The following PACRG variants were observed in gnomAD, a reference collection of about 807,000 sequenced individuals.
The protein encoded by PACRG is parkin coregulated.
In PACRG, 29 loss-of-function variants were observed where a neutral mutation model predicts 29.7. That is an observed-to-expected ratio of 0.98 (90% confidence interval 0.73 to 1.33). The LOEUF (loss-of-function observed/expected upper bound fraction) is 1.33. Among genes scored for constraint, PACRG ranks in the 40% most tolerant of loss-of-function variants. PACRG has a pLI of 0.00. For missense variants in PACRG, 279 were observed against 316.2 expected (o/e 0.88, Z 0.89); for synonymous variants, 116 against 118.7 (o/e 0.98, Z 0.15).
At chr6:163,195,333 A>G (rs556752866) in intron 4 of PACRG, among the ~76,000 whole-genome samples, 1 of 152,286 alleles carries the variant, frequency 6.6e-6, no homozygotes, top group South Asian at 2.1e-4. Flanking sequence ...GCATCCAAAG[A>G]GAGTGCTGCC....
At chr6:163,266,760 G>A (rs905011716) in intron 4 of PACRG, among the ~76,000 whole-genome samples, 2 of 152,272 alleles carry the variant, frequency 1.3e-5, no homozygotes, top group African/African-American at 4.8e-5. Context: ...CAGAGAAGTG[G>A]ATGCTTTGCC....
At chr6:163,070,406 G>A (rs1373184607) in intron 3 of PACRG, among the ~76,000 whole-genome samples, 4 of 151,866 alleles carry the variant, frequency 2.6e-5, no homozygotes, top group Non-Finnish European at 2.9e-5. Flanking sequence ...AAAAAGCAGG[G>A]GGACAAAGTT....
chr6:162,984,213 T>C (rs1171412574), intron 2 of PACRG, among the ~76,000 whole-genome samples: 3 of 151,962 alleles, frequency 2.0e-5, no homozygotes, highest in African/African-American at 4.8e-5. Flanking sequence ...CAATTATCAT[T>C]CTTATGCCTT....
intron 2 of PACRG, among the ~76,000 whole-genome samples, chr6:162,968,825 G>T (rs942829249): frequency 6.6e-6 from 1 of 151,964 alleles, no homozygotes; most frequent in Non-Finnish European, 1.5e-5. Context: ...GAGGTGGGTG[G>T]ATCACAAGGT....
intron 4 of PACRG, among the ~76,000 whole-genome samples, chr6:163,293,770 T>C (rs1784693627): frequency 6.6e-6 from 1 of 152,174 alleles, no homozygotes; most frequent in South Asian, 2.1e-4. Flanking sequence ...GTTTACAGTG[T>C]TGTGATTTTT....
intron 4 of PACRG, among the ~76,000 whole-genome samples, chr6:163,288,667 G>T (rs542889788): frequency 6.6e-6 from 1 of 152,090 alleles, no homozygotes; most frequent in African/African-American, 2.4e-5. Context: ...ATGTGCTCTC[G>T]ATTATCTAAG....
chr6:162,893,306 C>T (rs1292207635), intron 2 of PACRG, among the ~76,000 whole-genome samples: 1 of 152,048 alleles, frequency 6.6e-6, no homozygotes, highest in African/African-American at 2.4e-5. Flanking sequence ...AGGGGAGGGC[C>T]TCGGCTCGAC....
At chr6:163,221,417 C>T (rs912217068) in intron 4 of PACRG, among the ~76,000 whole-genome samples, 1 of 152,186 alleles carries the variant, frequency 6.6e-6, no homozygotes, top group Non-Finnish European at 1.5e-5. Context: ...TGCCTTTGTG[C>T]CTTGCCTACA....
intron 4 of PACRG, among the ~76,000 whole-genome samples, chr6:163,247,226 A>G (rs894868418): frequency 4.6e-5 from 7 of 152,200 alleles, no homozygotes; most frequent in Non-Finnish European, 1.0e-4. Flanking sequence ...AATGAAAATA[A>G]AGCATTAAAG....
intron 4 of PACRG, among the ~76,000 whole-genome samples, chr6:163,262,945 A>G (rs540751663): frequency 1.3e-5 from 2 of 148,340 alleles, no homozygotes; most frequent in African/African-American, 2.5e-5. Flanking sequence ...CCAGCTACTC[A>G]GGAGGCTGAG....
chr6:162,947,496 CAT>C lies in PACRG; in HGVS notation c.292-114644_292-114643del, dbSNP rs1250082850. 5.5e-3 allele frequency among the ~76,000 whole-genome samples: 626 copies of C among 114,464 alleles called. 11 individuals are homozygous for C. Among genetic ancestry groups the C allele is most frequent in the African/African-American group, 0.018 (535 of 29,858 alleles). The allele number at this position is 114,464 out of a possible 152,430, so 75.1% of individuals were successfully genotyped here. A position where few individuals can be genotyped will look rare whatever the true frequency, so the allele number is the denominator to read the frequency against. ...ATATATATATAATCATATATATACT[CAT>C]ATATATATAATCTATATATATAATC... On this transcript the variant is annotated intron_variant, in intron 2 of 4. Transcript: ENST00000366888.
At chr6:162,983,746 C>T (rs1045770238) in intron 2 of PACRG, among the ~76,000 whole-genome samples, 2 of 151,968 alleles carry the variant, frequency 1.3e-5, no homozygotes, top group Admixed American at 1.3e-4. Flanking sequence ...AGATTATTTC[C>T]TTTGTCTTGA....
intron 2 of PACRG, among the ~76,000 whole-genome samples, chr6:163,019,566 A>ATATTTGAT (rs542623604): frequency 0.013 from 1,995 of 152,246 alleles, 51 homozygotes; most frequent in African/African-American, 0.043. Context: ...AACCTCTCCC[A>ATATTTGAT]GCTTCAAATA....
intron 2 of PACRG, among the ~76,000 whole-genome samples, chr6:163,033,997 A>AAG (rs768228522): frequency 1.6e-4 from 24 of 152,076 alleles, no homozygotes; most frequent in Non-Finnish European, 3.5e-4. Context: ...AGCCTCACAA[A>AAG]TCCTTTTTTC....
rs1462303792 is a variant in PACRG at position 163,255,815 on chromosome 6, T to A, written c.614-59012T>A. ...CACACCCAGCTAATTTTTGTATTTT[T>A]AGTAGAGATGGGGTTTTACCATGTT... On this transcript the variant is annotated intron_variant, in intron 4 of 4. Coordinates refer to ENST00000366888, the MANE Select transcript of PACRG (RefSeq NM_001080379.2). Among the ~76,000 whole-genome samples, 4 of 152,194 alleles carry A rather than the reference T, an allele frequency of 2.6e-5. No individual in the cohort carries two copies. In the East Asian group the frequency reaches 7.7e-4, roughly 29 times the overall value.
chr6:163,049,520 A>G (rs956573656), intron 2 of PACRG, among the ~76,000 whole-genome samples: 1 of 152,096 alleles, frequency 6.6e-6, no homozygotes. Context: ...AAACATTTTT[A>G]AATTGTCATG....
intron 4 of PACRG, among the ~76,000 whole-genome samples, chr6:163,287,615 G>A (rs534022662): frequency 6.4e-4 from 98 of 152,266 alleles, no homozygotes; most frequent in Non-Finnish European, 1.2e-3. Context: ...GGGACACCCC[G>A]AGCCCTGACC....
intron 1 of PACRG, among the ~76,000 whole-genome samples, chr6:162,782,873 A>C (rs1195315131): frequency 6.6e-6 from 1 of 151,912 alleles, no homozygotes; most frequent in Non-Finnish European, 1.5e-5. Context: ...GAGATTTTAA[A>C]TATTCTAACA....
intron 2 of PACRG, among the ~76,000 whole-genome samples, chr6:163,001,811 A>G (rs1030781206): frequency 6.6e-5 from 10 of 152,192 alleles, no homozygotes; most frequent in African/African-American, 1.9e-4. Context: ...TAATTTTTAT[A>G]CAAGGTAATT....
Sources: gnomAD v4.1 joint callset for allele counts (sites outside exome capture counted in the v4.1 genomes callset) on GRCh38, gnomAD v4.1.1 for gene constraint, MANE v1.5 for transcripts, NCBI Gene and HGNC (gene_info 2026-07-23, HGNC 2026-07-21) for gene names.